Variants in ARPP21 observed in about 807,000 individuals in gnomAD.
ARPP21 encodes the protein cAMP-regulated phosphoprotein 21.
A neutral mutation model predicts 113.2 loss-of-function variants in ARPP21; 69 were observed. The observed-to-expected ratio is 0.61, with a 90% CI of 0.50 to 0.74. ARPP21 has a LOEUF of 0.74. Among genes scored for constraint, ARPP21 ranks in the 30% least tolerant of loss-of-function variants. The probability of loss-of-function intolerance (pLI) is 0.00; values close to 1 mark genes in which losing one functional copy is unlikely to be tolerated. For missense variants in ARPP21, 1,070 were observed against 1,037.4 expected (o/e 1.03, Z -0.43); for synonymous variants, 368 against 375.5 (o/e 0.98, Z 0.23).
In ARPP21 at chr3:35,792,418, A is replaced by G; in HGVS notation, c.2174A>G (p.Gln725Arg). 1 of 1,613,806 alleles carries G rather than the reference A, an allele frequency of 6.2e-7. No homozygotes were observed. The highest frequency in any genetic ancestry group is 8.5e-7 in the Non-Finnish European group (1 of 1,179,706). Reference protein sequence around the residue: ...QPVLSGQQGFQGLIGVQQPPQ... With the variant: ...QPVLSGQQGFRGLIGVQQPPQ... ...GTCTTGTCTGGTCAACAGGGATTCC[A>G]AGGCCTAATAGGAGTGCAGCAGCCA... is the stretch of plus-strand genomic sequence containing the variant. The change falls in exon 20 of 21, where the codon CAA becomes CGA. Residue 725 changes from glutamine (Q) to arginine (R), a missense_variant. Physicochemically the swap from Gln to Arg is conservative, Grantham distance 43 (BLOSUM62 1). Transcript: ENST00000684406.
chr3:35,706,323 G>C (rs918124623), intron 9 of ARPP21, among the ~76,000 whole-genome samples: 3 of 152,152 alleles, frequency 2.0e-5, no homozygotes, highest in Non-Finnish European at 4.4e-5. Context: ...CTAATCAATA[G>C]TGTGTAACTG....
chr3:35,723,543 T>C (rs1209434668), intron 14 of ARPP21, among the ~76,000 whole-genome samples: 1 of 152,214 alleles, frequency 6.6e-6, no homozygotes. Context: ...TGTAGTACAC[T>C]TGAGCTCTTG....
chr3:35,706,181 G>C (rs2088915175), intron 9 of ARPP21, among the ~76,000 whole-genome samples: 1 of 152,088 alleles, frequency 6.6e-6, no homozygotes, highest in Non-Finnish European at 1.5e-5. Flanking sequence ...TTCCTCTGTG[G>C]ATGAACCCAA....
At chr3:35,756,139 C>A (rs9881337) in intron 19 of ARPP21, among the ~76,000 whole-genome samples, 2,384 of 152,078 alleles carry the variant, frequency 0.016, 56 homozygotes, top group African/African-American at 0.055. Flanking sequence ...TTTTAATCAC[C>A]CCCTCCAGCT....
chr3:35,704,513 G>C (rs968587054), intron 9 of ARPP21, among the ~76,000 whole-genome samples: 3 of 151,740 alleles, frequency 2.0e-5, no homozygotes, highest in African/African-American at 7.3e-5. Context: ...GATACTCTCA[G>C]ATTTAAAACA....
At position 35,793,900 on chromosome 3, in the gene ARPP21, C is replaced by T. The variant is rs201813685; in HGVS notation, c.2486C>T (p.Ala829Val). 7.4e-6 allele frequency: 12 copies of T among 1,614,058 alleles called. No homozygotes were observed. Among genetic ancestry groups the T allele is most frequent in the South Asian group, 3.3e-5 (3 of 91,086 alleles). ...TCCAGCACTGTCCCAGTGATGTCAGCTAGCTGCAGAACAAACTGTGCAAGT... is the reference window on the plus strand; with the variant it reads ...TCCAGCACTGTCCCAGTGATGTCAGTTAGCTGCAGAACAAACTGTGCAAGT... Reference protein sequence around the residue: ...CPSSTVPVMSASCRTNCASMS... With the variant: ...CPSSTVPVMSVSCRTNCASMS... Residue 829 changes from alanine to valine, a missense_variant, in exon 21 of 21, where the codon GCT becomes GTT. Physicochemically the swap from Ala to Val is moderately conservative, Grantham distance 64. Transcript: ENST00000684406.
chr3:35,731,089 G>A (rs1345290525), intron 15 of ARPP21, among the ~76,000 whole-genome samples: 2 of 152,134 alleles, frequency 1.3e-5, no homozygotes, highest in Non-Finnish European at 2.9e-5. Flanking sequence ...ACTTTTAATT[G>A]AGATAGAGGG....
chr3:35,788,276 T>A (rs1364154032), intron 19 of ARPP21, among the ~76,000 whole-genome samples: 1 of 152,208 alleles, frequency 6.6e-6, no homozygotes. Flanking sequence ...TCACACCGTG[T>A]ACAAAGAGCA....
rs61007987 is a variant in ARPP21 at position 35,749,431 on chromosome 3, C to CAAAAAAAA, written c.2137+5478_2137+5485dup. ...CCAAAATCTTGGTCATTCCTAAAAG[C>CAAAAAAAA]AAAAAAAAAAAAAAAAAAAGGAACT... On this transcript the variant is annotated intron_variant, in intron 19 of 20. Coordinates refer to ENST00000684406, the MANE Select transcript of ARPP21 (RefSeq NM_001385562.1). Among the ~76,000 whole-genome samples the CAAAAAAAA allele has an allele frequency of 2.7e-4, 27 of 100,766 alleles. 1 individual carries two copies. Among genetic ancestry groups the CAAAAAAAA allele is most frequent in the African/African-American group, 4.3e-4 (13 of 30,370 alleles). 66.1% of individuals were successfully genotyped at this position (100,766 alleles called of 152,430 possible). A position where few individuals can be genotyped will look rare whatever the true frequency, so the allele number is the denominator to read the frequency against.
Position 35,682,738 on chromosome 3 carries a change from C to T in ARPP21, c.130-110C>T, listed in dbSNP as rs370501055. On this transcript the variant is annotated intron_variant, in intron 3 of 20. Transcript: ENST00000684406. The stretch of plus-strand genomic sequence containing the variant: ...TTATTATTGACTTCTCTACTGTAGC[C>T]GGTAGTGACATTTTTCTCTCTTTCT... 83 of 920,604 alleles carry T rather than the reference C, an allele frequency of 9.0e-5. No homozygotes were observed. The African/African-American group carries it at 9.8e-4, about 11-fold the overall frequency. 57.0% of individuals were successfully genotyped at this position (920,604 alleles called of 1,614,324 possible).
At chr3:35,647,184 G>A (rs1232111433) in intron 1 of ARPP21, among the ~76,000 whole-genome samples, 1 of 152,128 alleles carries the variant, frequency 6.6e-6, no homozygotes, top group Non-Finnish European at 1.5e-5. Context: ...TAGTGTTTTA[G>A]TGTTTTGTCA....
In ARPP21 at chr3:35,708,989, T is replaced by C. The variant is rs2090182058; in HGVS notation, c.816T>C (p.Phe272=). 1 of 1,613,698 alleles carries C rather than the reference T, an allele frequency of 6.2e-7. No individual in the cohort carries two copies. Among genetic ancestry groups the C allele is most frequent in the Non-Finnish European group, 8.5e-7 (1 of 1,179,724 alleles). Residue 272 remains phenylalanine (F), a synonymous_variant, in exon 11 of 21, where the codon TTT becomes TTC. Transcript: ENST00000684406. ...TTCAGCAAAACAGAATGCATCCATTTAGAGATGACAGACGAAGTAAATCAA... is the reference window on the plus strand; with the variant it reads ...TTCAGCAAAACAGAATGCATCCATTCAGAGATGACAGACGAAGTAAATCAA... ...EDNQQNRMHP[F]RDDRRSKSIE...
chr3:35,779,752 A>G (rs901576790), intron 19 of ARPP21, among the ~76,000 whole-genome samples: 4 of 152,194 alleles, frequency 2.6e-5, no homozygotes, highest in Admixed American at 2.6e-4. Context: ...ACATCAGGCT[A>G]TAAGAATCTC....
intron 19 of ARPP21, among the ~76,000 whole-genome samples, chr3:35,750,015 T>C (rs1288377096): frequency 6.6e-6 from 1 of 151,900 alleles, no homozygotes; most frequent in Non-Finnish European, 1.5e-5. Context: ...CTCTGTTTCA[T>C]TGATTTTTCT....
chr3:35,705,424 A>G (rs571481432), intron 9 of ARPP21, among the ~76,000 whole-genome samples: 1 of 152,186 alleles, frequency 6.6e-6, no homozygotes, highest in Non-Finnish European at 1.5e-5. Context: ...TTAGAATACT[A>G]ATTTTAATAT....
chr3:35,757,124 A>G (rs977556709), intron 19 of ARPP21, among the ~76,000 whole-genome samples: 5 of 146,024 alleles, frequency 3.4e-5, no homozygotes, highest in Non-Finnish European at 6.0e-5. Context: ...GCTAGAGTCC[A>G]CTGGCATGAG....
intron 9 of ARPP21, among the ~76,000 whole-genome samples, chr3:35,704,991 A>T (rs1011064923): frequency 5.9e-5 from 9 of 152,112 alleles, no homozygotes; most frequent in Middle Eastern, 3.2e-3. Flanking sequence ...ATTCTGAGAT[A>T]ATTTTATTTG....
intron 1 of ARPP21, among the ~76,000 whole-genome samples, chr3:35,644,781 T>G (rs898295205): frequency 2.0e-5 from 3 of 151,938 alleles, no homozygotes; most frequent in East Asian, 1.9e-4. Context: ...CCAGTATAGA[T>G]CCTGGAATTG....
chr3:35,655,751 G>T (rs937684854), intron 1 of ARPP21, among the ~76,000 whole-genome samples: 1 of 152,042 alleles, frequency 6.6e-6, no homozygotes, highest in African/African-American at 2.4e-5. Context: ...ATCTCAGATG[G>T]TGGCCCTCCT....
Sources: gnomAD v4.1 joint callset for allele counts (sites outside exome capture counted in the v4.1 genomes callset) on GRCh38, gnomAD v4.1.1 for gene constraint, MANE v1.5 for transcripts, NCBI Gene and HGNC (gene_info 2026-07-23, HGNC 2026-07-21) for gene names.